PLCB1: variants seen among roughly 807,000 people sequenced by gnomAD.
PLCB1 encodes the protein 1-phosphatidylinositol 4,5-bisphosphate phosphodiesterase beta-1.
A neutral mutation model predicts 161.8 loss-of-function variants in PLCB1; 46 were observed. The ratio of observed to expected loss-of-function variants is 0.28; its 90% CI spans 0.22 to 0.36. The LOEUF (loss-of-function observed/expected upper bound fraction) is 0.36, where lower values mean the gene tolerates loss of function less well. Ranked by LOEUF, PLCB1 falls within the 10% of genes least tolerant of loss-of-function variation. The pLI is 1.00. For missense variants in PLCB1, 1,016 were observed against 1,472.5 expected (o/e 0.69, Z 5.07); for synonymous variants, 517 against 503.7 (o/e 1.03, Z -0.35).
intron 2 of PLCB1, among the ~76,000 whole-genome samples, chr20:8,368,599 CTG>C (rs1229461795): frequency 6.8e-6 from 1 of 146,920 alleles, no homozygotes; most frequent in Non-Finnish European, 1.5e-5. Flanking sequence ...GGTAAAAATA[CTG>C]TGTGTGAGAG....
At chr20:8,644,933 C>A (rs1376180970) in intron 4 of PLCB1, among the ~76,000 whole-genome samples, 1 of 152,214 alleles carries the variant, frequency 6.6e-6, no homozygotes, top group East Asian at 1.9e-4. Context: ...GTTGCCCTGT[C>A]TGTGTAGAAA....
chr20:8,546,340 A>T (rs1445826638), intron 3 of PLCB1, among the ~76,000 whole-genome samples: 2 of 148,598 alleles, frequency 1.3e-5, no homozygotes, highest in African/African-American at 5.0e-5. Context: ...AAAAAAAAAG[A>T]AAGAAACTGA....
chr20:8,180,292 A>C (rs2051828092), intron 2 of PLCB1, among the ~76,000 whole-genome samples: 2 of 152,250 alleles, frequency 1.3e-5, no homozygotes, highest in South Asian at 4.1e-4. Context: ...TTTGCATCCC[A>C]GGGATAAAGC....
intron 3 of PLCB1, among the ~76,000 whole-genome samples, chr20:8,547,539 T>C (rs1018468876): frequency 2.1e-5 from 3 of 146,338 alleles, no homozygotes; most frequent in African/African-American, 7.4e-5. Context: ...CTCTTCCTCA[T>C]TGCCCATATC....
chr20:8,352,387 A>G (rs2122263898), intron 2 of PLCB1, among the ~76,000 whole-genome samples: 1 of 152,184 alleles, frequency 6.6e-6, no homozygotes, highest in Admixed American at 6.5e-5. Flanking sequence ...TTTCTTTTGT[A>G]TGGTGCTGTA....
chr20:8,417,054 C>CACATAT (rs1491529799), intron 3 of PLCB1, among the ~76,000 whole-genome samples: 14 of 38,022 alleles, frequency 3.7e-4, no homozygotes, highest in Non-Finnish European at 4.5e-4. Context: ...CACACACACA[C>CACATAT]ATATATATAT....
intron 7 of PLCB1, among the ~76,000 whole-genome samples, chr20:8,654,261 G>C (rs918724521): frequency 6.6e-6 from 1 of 151,852 alleles, no homozygotes; most frequent in African/African-American, 2.4e-5. Context: ...AAATAAATGG[G>C]CCTCATTCAG....
At chr20:8,619,988 A>C (rs1367470540) in intron 3 of PLCB1, among the ~76,000 whole-genome samples, 1 of 152,068 alleles carries the variant, frequency 6.6e-6, no homozygotes, top group Non-Finnish European at 1.5e-5. Context: ...CATTTGTAGA[A>C]CTTTTCAGTG....
intron 2 of PLCB1, among the ~76,000 whole-genome samples, chr20:8,210,319 T>C (rs1211159910): frequency 6.6e-6 from 1 of 152,144 alleles, no homozygotes; most frequent in South Asian, 2.1e-4. Context: ...AAGTCTGTTT[T>C]ATAGTCATGC....
At chr20:8,395,636 G>A (rs1398432794) in intron 3 of PLCB1, among the ~76,000 whole-genome samples, 1 of 151,900 alleles carries the variant, frequency 6.6e-6, no homozygotes, top group Non-Finnish European at 1.5e-5. Flanking sequence ...CTTTGAGAAA[G>A]TATGTTAAAG....
At chr20:8,609,042 CCTT>C (rs1467141953) in intron 3 of PLCB1, among the ~76,000 whole-genome samples, 3 of 152,092 alleles carry the variant, frequency 2.0e-5, no homozygotes, top group Non-Finnish European at 4.4e-5. Flanking sequence ...AGTTAAATGC[CCTT>C]CTCTTATTCC....
intron 3 of PLCB1, among the ~76,000 whole-genome samples, chr20:8,411,711 C>T (rs982198147): frequency 1.8e-4 from 27 of 152,062 alleles, no homozygotes; most frequent in African/African-American, 6.0e-4. Context: ...CATTTTCCTG[C>T]ATAACCCTTT....
chr20:8,801,621 G>C (rs1984284761), intron 31 of PLCB1, among the ~76,000 whole-genome samples: 1 of 152,132 alleles, frequency 6.6e-6, no homozygotes, highest in South Asian at 2.1e-4. Flanking sequence ...CATTAACTTT[G>C]TATGTTAAAA....
At chr20:8,359,686 C>G (rs528910945) in intron 2 of PLCB1, among the ~76,000 whole-genome samples, 50 of 152,186 alleles carry the variant, frequency 3.3e-4, no homozygotes, top group African/African-American at 9.4e-4. Context: ...ATTTTAAAAC[C>G]TGATTAAGAT....
chr20:8,447,678 CCTTT>C (rs1156436937), intron 3 of PLCB1, among the ~76,000 whole-genome samples: 1 of 152,160 alleles, frequency 6.6e-6, no homozygotes, highest in Non-Finnish European at 1.5e-5. Context: ...AGCAGAAATA[CCTTT>C]CTAACTCCTA....
chr20:8,150,414 A>T (rs1202220547), intron 2 of PLCB1, 43 bp downstream of exon 2: 1 of 865,216 alleles, frequency 1.2e-6, no homozygotes, highest in Non-Finnish European at 1.9e-6. Flanking sequence ...TCAGTCGTTT[A>T]CTACTTTGAA....
intron 10 of PLCB1, among the ~76,000 whole-genome samples, chr20:8,688,211 A>T (rs1990400236): frequency 6.6e-6 from 1 of 152,058 alleles, no homozygotes; most frequent in Admixed American, 6.5e-5. Context: ...GATTTGTTTG[A>T]GTTCATTGTA....
intron 9 of PLCB1, among the ~76,000 whole-genome samples, chr20:8,683,141 C>T (rs1990261667): frequency 6.6e-6 from 1 of 151,476 alleles, no homozygotes; most frequent in South Asian, 2.1e-4. Context: ...TCAGTTAATA[C>T]AAAGGTTACT....
intron 3 of PLCB1, among the ~76,000 whole-genome samples, chr20:8,378,767 T>C (rs900102596): frequency 6.6e-6 from 1 of 152,212 alleles, no homozygotes; most frequent in Admixed American, 6.5e-5. Flanking sequence ...CTTTCAAAAT[T>C]GGAATCCATC....
Sources: allele counts gnomAD v4.1 joint callset (sites outside exome capture counted in the v4.1 genomes callset), GRCh38; gene constraint gnomAD v4.1.1; transcripts MANE v1.5; gene names NCBI Gene and HGNC (gene_info 2026-07-23, HGNC 2026-07-21).